ZNF334: variants seen among roughly 807,000 people sequenced by gnomAD.
ZNF334 encodes the protein zinc finger protein 334.
In ZNF334, 14 loss-of-function variants were observed where a neutral mutation model predicts 12.4. The observed-to-expected ratio is 1.13, with a 90% CI of 0.74 to 1.76. The LOEUF (loss-of-function observed/expected upper bound fraction) is 1.76. Ranked by LOEUF, ZNF334 falls within the 40% of genes most tolerant of loss-of-function variation. The pLI is 0.00. For missense variants in ZNF334, 797 were observed against 804.5 expected (o/e 0.99, Z 0.11); for synonymous variants, 273 against 269.6 (o/e 1.01, Z -0.12).
chr20:46,465,229 C>A, the ZNF334 span: 1 of 183,640 alleles, frequency 5.4e-6, no homozygotes, highest in South Asian at 1.2e-4. Context: ...AGGTCCTGCT[C>A]CTGATATTGT....
At chr20:46,492,639 A>G in the ZNF334 span, 1 of 152,310 alleles carries the variant, frequency 6.6e-6, no homozygotes, top group Non-Finnish European at 1.5e-5. Flanking sequence ...AAGAAACCCT[A>G]AAAAAAGAGG....
At chr20:46,503,328 A>ACT (rs2061318356) in intron 4 of ZNF334, among the ~76,000 whole-genome samples, 1 of 152,258 alleles carries the variant, frequency 6.6e-6, no homozygotes, top group Non-Finnish European at 1.5e-5. Flanking sequence ...AACAGGGGGA[A>ACT]AGGAAGAGGA....
intron 2 of ZNF334, chr20:46,509,867 A>G (rs1169281645): frequency 1.7e-6 from 1 of 591,770 alleles, no homozygotes; most frequent in Admixed American, 2.9e-5. Context: ...TATGTTCTGT[A>G]AAAAGATATG....
At chr20:46,483,084 T>C in the ZNF334 span, among the ~76,000 whole-genome samples, 5 of 152,218 alleles carry the variant, frequency 3.3e-5, no homozygotes, top group Admixed American at 1.3e-4. Flanking sequence ...ATCAGTGTGA[T>C]TGATGGCTTG....
the ZNF334 span, among the ~76,000 whole-genome samples, chr20:46,468,345 G>A: frequency 4.0e-5 from 6 of 151,280 alleles, no homozygotes; most frequent in African/African-American, 4.9e-5. Context: ...GTGCAACCTC[G>A]GCTCACTGCA....
At position 46,513,556 on chromosome 20, in the gene ZNF334, G is replaced by A. The variant is rs2061730442; in HGVS notation, c.-1055C>T. On this transcript the variant is annotated 5_prime_UTR_variant, in exon 1 of 5. Coordinates refer to ENST00000692313, the MANE Select transcript of ZNF334 (RefSeq NM_001353824.2). Reference sequence around the variant, plus strand: ...GGCTGCAGGACCCTCACCCGGAAGAGCCTGGCGAACCGGAAGGGCGTCCAG... The same window carrying A: ...GGCTGCAGGACCCTCACCCGGAAGAACCTGGCGAACCGGAAGGGCGTCCAG... The A allele has an allele frequency of 1.3e-5, 2 of 152,272 alleles. No homozygotes were observed. Among genetic ancestry groups the A allele is most frequent in the Non-Finnish European group, 2.9e-5 (2 of 68,078 alleles). The allele number at this position is 152,272 out of a possible 1,614,324, so 9.4% of individuals were successfully genotyped here. A position where few individuals can be genotyped will look rare whatever the true frequency, so the allele number is the denominator to read the frequency against.
Position 46,512,780 on chromosome 20 carries a change from C to T in ZNF334, c.-279G>A, listed in dbSNP as rs1249999675. The T allele has an allele frequency of 6.6e-6, 1 of 152,174 alleles. No individual in the cohort carries two copies. The highest frequency in any genetic ancestry group is 2.4e-5 in the African/African-American group (1 of 41,440). 9.4% of individuals were successfully genotyped at this position (152,174 alleles called of 1,614,324 possible). ...TATTGGATCTGTCACTAGCAAACTG[C>T]ATTACTGAAAAAAATATTTACTAAG... On this transcript the variant is annotated 5_prime_UTR_variant, in exon 1 of 5. An upstream start codon of the reference 5' UTR is lost. Transcript: ENST00000692313.
At chr20:46,486,413 A>G in the ZNF334 span, among the ~76,000 whole-genome samples, 12 of 152,222 alleles carry the variant, frequency 7.9e-5, no homozygotes, top group Admixed American at 5.9e-4. Flanking sequence ...AACTCTGTCT[A>G]AAAAAATAAA....
chr20:46,486,139 T>C, the ZNF334 span, among the ~76,000 whole-genome samples: 1 of 152,230 alleles, frequency 6.6e-6, no homozygotes, highest in Non-Finnish European at 1.5e-5. Context: ...ATACAAAAAT[T>C]GAGTCAATCA....
chr20:46,504,702 G>T lies in ZNF334; in HGVS notation c.60C>A (p.Thr20=). 1.2e-6 allele frequency: 2 copies of T among 1,612,306 alleles called. No homozygotes were observed. The highest frequency in any genetic ancestry group is 1.7e-4 in the Middle Eastern group (1 of 6,038). The change falls in exon 3 of 5, where the codon ACC becomes ACA. Residue 20 remains threonine, a synonymous_variant. Transcript: ENST00000692313. The part of the protein sequence containing the change: ...VSFQDLTVNF[T]QEEWQQLDPA... ...GGTCCAGTTGCTGCCATTCCTCTTG[G>T]GTGAAGTTCACAGTCAGGTCCTGGA...
chr20:46,473,667 C>T, the ZNF334 span, among the ~76,000 whole-genome samples: 2 of 152,216 alleles, frequency 1.3e-5, no homozygotes, highest in African/African-American at 4.8e-5. Flanking sequence ...TATCTAAATA[C>T]AGACTCCTAG....
chr20:46,478,122 GAA>G, the ZNF334 span, among the ~76,000 whole-genome samples: 1 of 152,166 alleles, frequency 6.6e-6, no homozygotes, highest in Non-Finnish European at 1.5e-5. Flanking sequence ...AGTTGTCAAT[GAA>G]AAGAGTCAAA....
At chr20:46,512,494 G>A (rs2061689343) in intron 1 of ZNF334, 46 bp downstream of exon 1, 4 of 161,548 alleles carry the variant, frequency 2.5e-5, no homozygotes, top group African/African-American at 7.2e-5. Flanking sequence ...TGGACTCTAG[G>A]ATTAAAAGAT....
chr20:46,484,374 G>T, the ZNF334 span: 1 of 166,852 alleles, frequency 6.0e-6, no homozygotes. Context: ...TATCCTGTGT[G>T]ATTCCCTAGA....
the ZNF334 span, chr20:46,464,307 A>C: frequency 1.8e-6 from 1 of 551,406 alleles, no homozygotes; most frequent in African/African-American, 1.9e-5. Context: ...GGAATGACAA[A>C]GTTAGATGTG....
chr20:46,479,051 C>T, the ZNF334 span, among the ~76,000 whole-genome samples: 3 of 152,176 alleles, frequency 2.0e-5, no homozygotes, highest in Admixed American at 2.0e-4. Flanking sequence ...GGAACAAATG[C>T]CTGCAAACTT....
At chr20:46,482,187 G>T in the ZNF334 span, among the ~76,000 whole-genome samples, 16 of 152,190 alleles carry the variant, frequency 1.1e-4, no homozygotes, top group Admixed American at 5.9e-4. Flanking sequence ...CTCCACAACT[G>T]TAAGATTATA....
chr20:46,504,302 A>G lies in ZNF334; in HGVS notation c.153T>C (p.Tyr51=). The G allele has an allele frequency of 1.2e-6, 2 of 1,613,370 alleles. No individual in the cohort carries two copies. The highest frequency in any genetic ancestry group is 1.7e-6 in the Non-Finnish European group (2 of 1,179,406). Reference sequence around the variant, plus strand: ...AAATCACATCTGGTTTGCTAACATGATACCCTGTTAATGGGAAATTACAGA... The same window carrying G: ...AAATCACATCTGGTTTGCTAACATGGTACCCTGTTAATGGGAAATTACAGA... ...ENYSNLVSVG[Y]HVSKPDVIFK... is the part of the protein sequence containing the mutation. Residue 51 remains tyrosine, a synonymous_variant, in exon 4 of 5, where the codon TAT becomes TAC. Transcript: ENST00000692313.
chr20:46,472,675 G>A, the ZNF334 span, among the ~76,000 whole-genome samples: 2 of 152,180 alleles, frequency 1.3e-5, no homozygotes, highest in African/African-American at 4.8e-5. Context: ...CAGGAGAATA[G>A]GTCAGGTAGG....
Sources: allele counts gnomAD v4.1 joint callset (sites outside exome capture counted in the v4.1 genomes callset), GRCh38; gene constraint gnomAD v4.1.1; transcripts MANE v1.5; gene names NCBI Gene and HGNC (gene_info 2026-07-23, HGNC 2026-07-21).